The following HRH1 variants were observed in gnomAD, a reference collection of about 807,000 sequenced individuals.
HRH1 encodes the protein histamine H1 receptor.
In HRH1, 6 loss-of-function variants were observed where a neutral mutation model predicts 10.3. The ratio of observed to expected loss-of-function variants is 0.58; its 90% CI spans 0.32 to 1.15. The LOEUF is 1.15. Among genes scored for constraint, HRH1 ranks in the 50% most tolerant of loss-of-function variants. HRH1 has a pLI of 0.05. For missense variants in HRH1, 514 were observed against 615.3 expected, an observed-to-expected ratio of 0.84 and a Z score of 1.74; for synonymous variants, 242 against 236.7, an observed-to-expected ratio of 1.02 and a Z score of -0.21.
chr3:11,240,795 T>C (rs377254210), intron 1 of HRH1, among the ~76,000 whole-genome samples: 282 of 152,334 alleles, frequency 1.9e-3, no homozygotes, highest in African/African-American at 6.5e-3. Flanking sequence ...CCAGACTTAA[T>C]GAGATTATGC....
At chr3:11,160,419 G>A (rs1049104755) in intron 1 of HRH1, among the ~76,000 whole-genome samples, 3 of 152,138 alleles carry the variant, frequency 2.0e-5, no homozygotes, top group Admixed American at 2.0e-4. Context: ...CAATTATTCA[G>A]ATAGGAAAAC....
In HRH1 at chr3:11,235,177, T is replaced by C. The variant is rs537359537; in HGVS notation, c.-35-23826T>C. Among the ~76,000 whole-genome samples, 15 of 151,114 alleles carry C rather than the reference T, an allele frequency of 9.9e-5. 1 individual carries two copies. The South Asian group carries it at 2.9e-3, about 29-fold the overall frequency. On this transcript the variant is annotated intron_variant, in intron 1 of 1. Coordinates refer to ENST00000431010, the MANE Select transcript of HRH1 (RefSeq NM_001098212.2). ...TTGCAGTGAGCCGAGATCACACCAC[T>C]GCACTCCAGCCTGGGTGACAGAGTG... is the stretch of plus-strand genomic sequence containing the variant.
intron 1 of HRH1, among the ~76,000 whole-genome samples, chr3:11,244,371 C>G (rs1312848855): frequency 6.6e-6 from 1 of 152,180 alleles, no homozygotes; most frequent in African/African-American, 2.4e-5. Context: ...TTCCAGGCAG[C>G]TGTATACTCA....
chr3:11,156,684 A>G (rs139153248), intron 1 of HRH1, among the ~76,000 whole-genome samples: 3 of 152,270 alleles, frequency 2.0e-5, no homozygotes, highest in Non-Finnish European at 4.4e-5. Flanking sequence ...CACCTTCTTC[A>G]CTGCGTTGGT....
intron 1 of HRH1, among the ~76,000 whole-genome samples, chr3:11,248,485 G>A (rs1939548680): frequency 6.6e-6 from 1 of 152,160 alleles, no homozygotes; most frequent in African/African-American, 2.4e-5. Flanking sequence ...TTTCTTGGTC[G>A]ATGAAATGCC....
At chr3:11,222,914 C>T (rs568450685) in intron 1 of HRH1, among the ~76,000 whole-genome samples, 14 of 152,022 alleles carry the variant, frequency 9.2e-5, no homozygotes, top group Admixed American at 7.9e-4. Flanking sequence ...CAGCCGGGCG[C>T]GGTGGCTCAC....
intron 1 of HRH1, among the ~76,000 whole-genome samples, chr3:11,228,827 T>A (rs1938964516): frequency 6.6e-6 from 1 of 150,792 alleles, no homozygotes; most frequent in Admixed American, 6.6e-5. Context: ...GACAGGAGAA[T>A]CGCTTGAACC....
chr3:11,217,305 G>A (rs541282545), intron 1 of HRH1, among the ~76,000 whole-genome samples: 27 of 151,920 alleles, frequency 1.8e-4, no homozygotes, highest in Non-Finnish European at 3.4e-4. Context: ...TGAGGCAGGC[G>A]GATCACCTGA....
At chr3:11,238,298 C>T (rs921834670) in intron 1 of HRH1, among the ~76,000 whole-genome samples, 1 of 152,156 alleles carries the variant, frequency 6.6e-6, no homozygotes, top group Non-Finnish European at 1.5e-5. Context: ...TTAGAAGTTA[C>T]GCATAACATC....
chr3:11,203,371 C>T (rs1222605201), intron 1 of HRH1, among the ~76,000 whole-genome samples: 1 of 152,132 alleles, frequency 6.6e-6, no homozygotes, highest in African/African-American at 2.4e-5. Flanking sequence ...CTTCTGGCTT[C>T]TCAATTAATT....
rs999983387 is a variant in HRH1, at chr3:11,258,939, A to G, written c.-35-64A>G. On this transcript the variant is annotated intron_variant, in intron 1 of 1. Transcript: ENST00000431010. Reference sequence around the variant, plus strand: ...ATACAACTCCAGTCTGATGAACATCATGCTACTAAGTGGCCACTCATCACC... The same window carrying G: ...ATACAACTCCAGTCTGATGAACATCGTGCTACTAAGTGGCCACTCATCACC... 2.3e-5 allele frequency: 27 copies of G among 1,159,152 alleles called. No individual in the cohort carries two copies. In the East Asian group the frequency reaches 3.1e-4, roughly 13 times the overall value. The allele number at this position is 1,159,152 out of a possible 1,614,324, so 71.8% of individuals were successfully genotyped here.
intron 1 of HRH1, among the ~76,000 whole-genome samples, chr3:11,228,389 T>A (rs111809361): frequency 0.017 from 2,602 of 149,226 alleles, 82 homozygotes; most frequent in African/African-American, 0.057. Flanking sequence ...TCTAACAAAA[T>A]TTTTTTTTTT....
intron 1 of HRH1, among the ~76,000 whole-genome samples, chr3:11,193,447 G>A (rs1307778926): frequency 3.3e-5 from 5 of 152,154 alleles, no homozygotes; most frequent in East Asian, 3.9e-4. Context: ...GCTTATAAAC[G>A]ACAGAAATTT....
At chr3:11,243,176 A>T (rs1939394889) in intron 1 of HRH1, among the ~76,000 whole-genome samples, 1 of 152,208 alleles carries the variant, frequency 6.6e-6, no homozygotes, top group African/African-American at 2.4e-5. Flanking sequence ...GGCCTCCCAA[A>T]GTGCTGGGAT....
rs754490404 is a variant in HRH1 at position 11,230,000 on chromosome 3, A to C, written c.-35-29003A>C. On this transcript the variant is annotated intron_variant, in intron 1 of 1. Transcript: ENST00000431010. ...GACTAGAGGGGGTGAGATTGGAAGC[A>C]GGCTGGCCAGATAGGGGGCTGTTGC... Among the ~76,000 whole-genome samples, 38 of 152,316 alleles carry C rather than the reference A, an allele frequency of 2.5e-4. 1 individual carries two copies. The highest frequency in any genetic ancestry group is 3.4e-3 in the Middle Eastern group (1 of 294).
chr3:11,167,943 G>A (rs1018827183), intron 1 of HRH1, among the ~76,000 whole-genome samples: 2 of 152,192 alleles, frequency 1.3e-5, no homozygotes, highest in South Asian at 2.1e-4. Flanking sequence ...TGAACAAGGC[G>A]GGAGAACCTG....
chr3:11,183,343 G>A (rs1169033617), intron 1 of HRH1, among the ~76,000 whole-genome samples: 1 of 152,162 alleles, frequency 6.6e-6, no homozygotes, highest in Non-Finnish European at 1.5e-5. Flanking sequence ...AGCAGTTTTT[G>A]TTAGCCAGAG....
At chr3:11,224,787 C>A (rs1284860849) in intron 1 of HRH1, among the ~76,000 whole-genome samples, 6 of 152,064 alleles carry the variant, frequency 3.9e-5, no homozygotes, top group Non-Finnish European at 8.8e-5. Flanking sequence ...GAGGTTGGAC[C>A]AGGGGCATAG....
chr3:11,242,995 C>T (rs1939390275), intron 1 of HRH1, among the ~76,000 whole-genome samples: 1 of 151,968 alleles, frequency 6.6e-6, no homozygotes, highest in Non-Finnish European at 1.5e-5. Flanking sequence ...CTCACTGCAA[C>T]CTCTGCCTCC....
Sources: allele counts gnomAD v4.1 joint callset (sites outside exome capture counted in the v4.1 genomes callset), GRCh38; gene constraint gnomAD v4.1.1; transcripts MANE v1.5; gene names NCBI Gene and HGNC (gene_info 2026-07-23, HGNC 2026-07-21).